Variants in NBEA observed in about 807,000 individuals in gnomAD.
NBEA encodes lysosomal-trafficking regulator 2.
NBEA carries 44 observed loss-of-function variants against 343.4 expected under a neutral mutation model. The ratio of observed to expected loss-of-function variants is 0.13; its 90% CI spans 0.10 to 0.16. NBEA has a LOEUF of 0.16. Ranked by LOEUF, NBEA falls within the 10% of genes least tolerant of loss-of-function variation. The probability of loss-of-function intolerance (pLI) is 1.00; values close to 1 mark genes in which losing one functional copy is unlikely to be tolerated. For synonymous variants in NBEA, 1,175 were observed against 1,238.7 expected (o/e 0.95, Z 1.08); for missense variants, 2,555 against 3,631.3 (o/e 0.70, Z 7.62).
At chr13:35,263,800 G>T (rs1185246430) in intron 34 of NBEA, among the ~76,000 whole-genome samples, 1 of 151,892 alleles carries the variant, frequency 6.6e-6, no homozygotes, top group East Asian at 1.9e-4. Context: ...GAATTTTACA[G>T]TAATAAATGC....
intron 41 of NBEA, among the ~76,000 whole-genome samples, chr13:35,507,595 A>G (rs182984507): frequency 4.3e-4 from 66 of 152,060 alleles, no homozygotes; most frequent in African/African-American, 1.5e-3. Flanking sequence ...AGCTCTTTCA[A>G]TCCAGTTGTT....
intron 1 of NBEA, among the ~76,000 whole-genome samples, chr13:35,037,732 T>C (rs1436370918): frequency 3.3e-5 from 5 of 152,156 alleles, no homozygotes; most frequent in African/African-American, 4.8e-5. Context: ...CTGGGGCTGG[T>C]ATGACGTATG....
chr13:35,390,134 C>T (rs1004074493), intron 38 of NBEA, among the ~76,000 whole-genome samples: 2 of 151,806 alleles, frequency 1.3e-5, no homozygotes, highest in East Asian at 3.9e-4. Flanking sequence ...GTCCATTCAT[C>T]ACTTCTCATT....
chr13:35,277,349 C>T (rs375476975), intron 34 of NBEA, among the ~76,000 whole-genome samples: 2 of 151,952 alleles, frequency 1.3e-5, no homozygotes, highest in East Asian at 1.9e-4. Flanking sequence ...AGGCCGGGCG[C>T]GGTGGCTCAC....
intron 1 of NBEA, among the ~76,000 whole-genome samples, chr13:35,036,669 A>G (rs2062453932): frequency 6.6e-6 from 1 of 152,084 alleles, no homozygotes; most frequent in Non-Finnish European, 1.5e-5. Context: ...TTCACTGGAT[A>G]TACTATTCTA....
chr13:35,425,004 C>G (rs1464713621), intron 38 of NBEA, among the ~76,000 whole-genome samples: 1 of 152,036 alleles, frequency 6.6e-6, no homozygotes, highest in Non-Finnish European at 1.5e-5. Context: ...TACCCTTTAT[C>G]ATTTTTTATT....
chr13:35,528,918 G>A (rs933515666), intron 41 of NBEA, among the ~76,000 whole-genome samples: 9 of 152,148 alleles, frequency 5.9e-5, no homozygotes, highest in African/African-American at 2.2e-4. Flanking sequence ...TCTTCATACA[G>A]TAGATGCAGT....
chr13:35,539,637 C>A (rs1566288219), intron 41 of NBEA, among the ~76,000 whole-genome samples: 1 of 146,348 alleles, frequency 6.8e-6, no homozygotes, highest in African/African-American at 2.4e-5. Context: ...TGCACTAGGG[C>A]CGGGCGGGGT....
At chr13:35,476,882 A>G (rs995079911) in intron 41 of NBEA, 5 of 871,846 alleles carry the variant, frequency 5.7e-6, no homozygotes, top group Non-Finnish European at 7.0e-6. Context: ...CCACCTAGAC[A>G]GTTTGGAAAT....
chr13:35,025,720 G>T (rs1371368062), intron 1 of NBEA, among the ~76,000 whole-genome samples: 1 of 152,060 alleles, frequency 6.6e-6, no homozygotes, highest in African/African-American at 2.4e-5. Context: ...AGTCTCACTT[G>T]TCTCTCTTAC....
At chr13:35,211,630 C>T (rs2073779390) in intron 33 of NBEA, among the ~76,000 whole-genome samples, 1 of 151,898 alleles carries the variant, frequency 6.6e-6, no homozygotes, top group Non-Finnish European at 1.5e-5. Context: ...GCCTGGAAAA[C>T]ATGGTGAAAC....
intron 41 of NBEA, among the ~76,000 whole-genome samples, chr13:35,534,091 T>C (rs1458982984): frequency 6.6e-6 from 1 of 152,212 alleles, no homozygotes; most frequent in African/African-American, 2.4e-5. Flanking sequence ...TTCATGTTTA[T>C]GTGAGTGATA....
At chr13:34,988,235 A>G (rs2060628003) in intron 1 of NBEA, among the ~76,000 whole-genome samples, 1 of 151,012 alleles carries the variant, frequency 6.6e-6, no homozygotes, top group African/African-American at 2.4e-5. Flanking sequence ...TCTCCCAGTT[A>G]GCCAGTTAGG....
At chr13:34,955,476 T>C (rs116990730) in intron 1 of NBEA, among the ~76,000 whole-genome samples, 7,204 of 152,104 alleles carry the variant, frequency 0.047, 263 homozygotes, top group Non-Finnish European at 0.07. Flanking sequence ...TAACTTTCCT[T>C]GGAGGAGTTG....
chr13:35,458,436 C>T (rs888613690), intron 40 of NBEA, among the ~76,000 whole-genome samples: 21 of 152,076 alleles, frequency 1.4e-4, no homozygotes, highest in Non-Finnish European at 1.5e-4. Context: ...TCAAAGGTTC[C>T]CACTTAAAAA....
At chr13:35,201,410 T>C (rs866183009) in intron 31 of NBEA, among the ~76,000 whole-genome samples, 1 of 152,240 alleles carries the variant, frequency 6.6e-6, no homozygotes. Context: ...ATAGATAACA[T>C]CATGAGAGCA....
chr13:34,963,714 C>T (rs566932779), intron 1 of NBEA, among the ~76,000 whole-genome samples: 11 of 151,456 alleles, frequency 7.3e-5, no homozygotes, highest in East Asian at 1.9e-4. Context: ...TTCCCCCCCC[C>T]GATATATTTT....
intron 31 of NBEA, among the ~76,000 whole-genome samples, chr13:35,204,129 T>A (rs1038305307): frequency 2.0e-5 from 3 of 152,154 alleles, no homozygotes; most frequent in African/African-American, 7.2e-5. Context: ...CATTACTGCC[T>A]GAGCTCTGTT....
rs1231986184 is a variant in NBEA, at chr13:35,605,546, T to C, written c.7297-880T>C. ...AAATGTGTAGCCTCACAACCCTATC[T>C]TGATATTTGAAAAAAGATGATCAGG... is the stretch of plus-strand genomic sequence containing the variant. On this transcript the variant is annotated intron_variant, in intron 47 of 58. Transcript: ENST00000379939. Among the ~76,000 whole-genome samples, 22 of 152,166 alleles carry C rather than the reference T, an allele frequency of 1.4e-4. 1 individual carries two copies. Among genetic ancestry groups the C allele is most frequent in the Non-Finnish European group, 3.2e-4 (22 of 68,004 alleles).
Sources: gnomAD v4.1 joint callset for allele counts (sites outside exome capture counted in the v4.1 genomes callset) on GRCh38, gnomAD v4.1.1 for gene constraint, MANE v1.5 for transcripts, NCBI Gene and HGNC (gene_info 2026-07-23, HGNC 2026-07-21) for gene names.